NEB: variants seen among roughly 807,000 people sequenced by gnomAD.
NEB encodes the protein nebulin, also known as nemaline myopathy type 2.
A neutral mutation model predicts 952.2 loss-of-function variants in NEB; 512 were observed. The ratio of observed to expected loss-of-function variants is 0.54; its 90% CI spans 0.50 to 0.58. NEB has a LOEUF of 0.58. Ranked by LOEUF, NEB falls within the 20% of genes least tolerant of loss-of-function variation. The pLI is 0.00. For synonymous variants in NEB, 2,900 were observed against 3,149.8 expected (o/e 0.92, Z 2.66); for missense variants, 8,428 against 9,231.1 (o/e 0.91, Z 3.56).
Position 151,535,741 on chromosome 2 carries a change from C to G in NEB, c.21262G>C (p.Asp7088His), listed in dbSNP as rs182252292. The change falls in exon 142 of 182, where the codon GAC becomes CAC. Residue 7088 changes from aspartate (D) to histidine (H), a missense_variant. Around this residue, in one of 11 missense-constraint regions of NEB, gnomAD observed 3,374 missense variants for 3,651.5 expected, o/e 0.92. Transcript: ENST00000397345. ...RTKSDFKYVA[D>H]SPINRHFKYA... ...TTGAAATGCCTATTGATCGGAGAGTCGGCAACATACTTGAAATCTGACTTT... is the reference window on the plus strand; with the variant it reads ...TTGAAATGCCTATTGATCGGAGAGTGGGCAACATACTTGAAATCTGACTTT... 3 of 1,609,186 alleles carry G rather than the reference C, an allele frequency of 1.9e-6. No individual in the cohort carries two copies. In the South Asian group the frequency reaches 3.3e-5, roughly 18 times the overall value.
At chr2:151,682,522 G>A (rs974021800) in intron 29 of NEB, 140 bp downstream of exon 29, 3 of 662,802 alleles carry the variant, frequency 4.5e-6, no homozygotes, top group Admixed American at 3.2e-5. Flanking sequence ...GGTCTCCCTG[G>A]GTAATTTGTG....
At position 151,537,122 on chromosome 2, in the gene NEB, GTATA is replaced by G; in HGVS notation, c.21207+6_21207+9del. On this transcript the variant is annotated splice_donor_region_variant and intron_variant, in intron 141 of 181. Coordinates refer to ENST00000397345, the MANE Select transcript of NEB (RefSeq NM_001164508.2). ...AATGGATGAGGCCAATTCTCCTTGA[GTATA>G]TATACCTTGCTGTAGAGAGTCTTGT... The G allele has an allele frequency of 6.4e-7, 1 of 1,559,404 alleles. No homozygotes were observed. Among genetic ancestry groups the G allele is most frequent in the Non-Finnish European group, 8.8e-7 (1 of 1,130,958 alleles).
At chr2:151,527,880 G>A (rs572889252) in intron 146 of NEB, among the ~76,000 whole-genome samples, 4 of 152,206 alleles carry the variant, frequency 2.6e-5, no homozygotes, top group Admixed American at 6.5e-5. Context: ...CTTCAGAATC[G>A]AGTACTTTTA....
In NEB at chr2:151,555,054, A is replaced by G. The variant is rs201473873; in HGVS notation, c.19315-10T>C. ...CTTCCCGATATTTGATCTATAGAGA[A>G]TAAGTAGAAAGGAAGAAACAGTTTT... On this transcript the variant is annotated splice_polypyrimidine_tract_variant and intron_variant, in intron 124 of 181. Transcript: ENST00000397345. The G allele has an allele frequency of 8.7e-5, 133 of 1,528,300 alleles. No individual in the cohort carries two copies. The African/African-American group carries it at 1.7e-3, about 19-fold the overall frequency. The allele number at this position is 1,528,300 out of a possible 1,614,324, so 94.7% of individuals were successfully genotyped here.
chr2:151,547,864 T>A, intron 131 of NEB, 126 bp from the exon 132 acceptor site: 1 of 676,082 alleles, frequency 1.5e-6, no homozygotes, highest in Non-Finnish European at 2.5e-6. Context: ...TAGAAAATGA[T>A]TGAGATTAGG....
chr2:151,683,634 G>C (rs1297882754), intron 28 of NEB, among the ~76,000 whole-genome samples: 4 of 152,166 alleles, frequency 2.6e-5, no homozygotes, highest in African/African-American at 9.6e-5. Flanking sequence ...AAATTTTGCA[G>C]CTGCTGCAGA....
chr2:151,630,312 G>A (rs907034342), intron 67 of NEB, among the ~76,000 whole-genome samples: 4 of 152,124 alleles, frequency 2.6e-5, no homozygotes, highest in African/African-American at 9.7e-5. Context: ...ACAAAGCTCA[G>A]TTATTTTAAC....
rs753256008 is a variant in NEB, at chr2:151,629,586, C to T, written c.9784G>A (p.Ala3262Thr). 8.1e-6 allele frequency: 13 copies of T among 1,613,596 alleles called. No homozygotes were observed. Among genetic ancestry groups the T allele is most frequent in the Middle Eastern group, 1.6e-4 (1 of 6,082 alleles). The change falls in exon 68 of 182, where the codon GCC (alanine) becomes ACC (threonine). Residue 3262 changes from alanine to threonine, a missense_variant. By Grantham distance (58) the Ala-to-Thr change is moderately conservative. Transcript: ENST00000397345. ...GCCTTGGCAGCCACGATGGGGATGG[C>T]GTCACTTCGCAAGTCGTAGCCTTTC... Reference protein sequence around the residue: ...KKKGYDLRSDAIPIVAAKASR... With the variant: ...KKKGYDLRSDTIPIVAAKASR...
intron 28 of NEB, among the ~76,000 whole-genome samples, chr2:151,684,278 G>C (rs2099467434): frequency 6.6e-6 from 1 of 152,094 alleles, no homozygotes; most frequent in South Asian, 2.1e-4. Flanking sequence ...TGTGTGGTTT[G>C]GACAAATGAA....
chr2:151,550,289 A>C (rs1293406417), intron 129 of NEB, among the ~76,000 whole-genome samples: 4 of 146,010 alleles, frequency 2.7e-5, no homozygotes, highest in Admixed American at 2.7e-4. Flanking sequence ...AAAAAAAAAA[A>C]ACACTAATTC....
At chr2:151,530,881 A>G (rs2090333257) in intron 145 of NEB, 113 bp downstream of exon 145, 2 of 663,920 alleles carry the variant, frequency 3.0e-6, no homozygotes, top group South Asian at 4.2e-5. Context: ...ATTTTAAGCC[A>G]CTAAGTTTTA....
Position 151,631,201 on chromosome 2 carries a change from C to A in NEB, c.9560G>T (p.Ser3187Ile), listed in dbSNP as rs1249852261. The A allele has an allele frequency of 6.2e-7, 1 of 1,613,894 alleles. No individual in the cohort carries two copies. Among genetic ancestry groups the A allele is most frequent in the South Asian group, 1.1e-5 (1 of 91,078 alleles). Residue 3187 changes from serine to isoleucine, a missense_variant, in exon 66 of 182, where the codon AGT (serine) becomes ATT (isoleucine). By Grantham distance (142) the Ser-to-Ile change is moderately radical. Transcript: ENST00000397345. ...CACCTGCTCTAGAGAATCAGTCACA[C>A]TGGTAAATTTCAGCTTGTCCGGAGG... ...RQPPDKLKFT[S>I]VTDSLEQVLA...
chr2:151,631,301 C>A lies in NEB; in HGVS notation c.9460G>T (p.Val3154Phe). 1 of 1,613,814 alleles carries A rather than the reference C, an allele frequency of 6.2e-7. No homozygotes were observed. ...ACCACATCCATAGACCCAATGGGGA[C>A]CCAGCCAATGCCTCTCAGCCACTGG... ...DLQWLRGIGW[V>F]PIGSMDVVKC... The change falls in exon 66 of 182, where the codon GTC (valine) becomes TTC (phenylalanine). Residue 3154 changes from valine (V) to phenylalanine (F), a missense_variant. This residue lies in a region of NEB where 1,772 missense variants were observed against 1,960.3 expected (regional missense o/e 0.90). Transcript: ENST00000397345.
At chr2:151,548,703 C>A (rs2095015831) in intron 130 of NEB, among the ~76,000 whole-genome samples, 1 of 152,148 alleles carries the variant, frequency 6.6e-6, no homozygotes, top group Non-Finnish European at 1.5e-5. Flanking sequence ...TTTTTAGCCC[C>A]AGTGTGGCTA....
At chr2:151,619,857 A>C in intron 72 of NEB, 95 bp from the exon 73 acceptor site, 1 of 1,332,264 alleles carries the variant, frequency 7.5e-7, no homozygotes, top group South Asian at 1.5e-5. Flanking sequence ...TCTTTAAGGC[A>C]ACAGAGGAGT....
intron 60 of NEB, among the ~76,000 whole-genome samples, chr2:151,641,394 C>T (rs1412593463): frequency 6.6e-6 from 1 of 152,142 alleles, no homozygotes. Flanking sequence ...TGCAGTGGTA[C>T]AATCATGTCT....
At chr2:151,635,912 T>C (rs981484366) in intron 64 of NEB, among the ~76,000 whole-genome samples, 1 of 152,308 alleles carries the variant, frequency 6.6e-6, no homozygotes, top group South Asian at 2.1e-4. Flanking sequence ...TATAAGCTTT[T>C]CTATAAGCCG....
chr2:151,563,492 C>G (rs766622650), intron 119 of NEB, 114 bp downstream of exon 119: 7 of 879,116 alleles, frequency 8.0e-6, no homozygotes, highest in Non-Finnish European at 1.3e-5. Context: ...CAGGAAGGAC[C>G]CTACGCTACT....
chr2:151,621,103 C>G (rs2098406956), intron 71 of NEB, 77 bp from the exon 72 acceptor site: 2 of 1,134,110 alleles, frequency 1.8e-6, no homozygotes, highest in East Asian at 2.6e-5. Flanking sequence ...AAAGGAAGAC[C>G]ACTTTTGGAT....
Sources: allele counts gnomAD v4.1 joint callset (sites outside exome capture counted in the v4.1 genomes callset), GRCh38; gene constraint gnomAD v4.1.1; regional missense constraint gnomAD v4.1.1; transcripts MANE v1.5; gene names NCBI Gene and HGNC (gene_info 2026-07-23, HGNC 2026-07-21).